Variants in ARHGAP26 observed in about 807,000 individuals in gnomAD.
ARHGAP26 encodes the protein rho GTPase-activating protein 26.
ARHGAP26 carries 38 observed loss-of-function variants against 104.8 expected under a neutral mutation model. The ratio of observed to expected loss-of-function variants is 0.36; its 90% CI spans 0.28 to 0.48. The LOEUF is 0.48. Ranked by LOEUF, ARHGAP26 falls within the 20% of genes least tolerant of loss-of-function variation. The pLI is 0.99. For synonymous variants in ARHGAP26, 341 were observed against 340.0 expected (o/e 1.00, Z -0.03); for missense variants, 704 against 947.9 (o/e 0.74, Z 3.38).
chr5:142,892,989 C>CCCTTT (rs753481588), intron 5 of ARHGAP26, among the ~76,000 whole-genome samples: 97 of 107,940 alleles, frequency 9.0e-4, no homozygotes, highest in Middle Eastern at 4.6e-3. Context: ...CACCCCCCCG[C>CCCTTT]TTTTTTTTTT....
At chr5:142,885,522 T>C in intron 5 of ARHGAP26, 123 bp downstream of exon 5, 1 of 755,488 alleles carries the variant, frequency 1.3e-6, no homozygotes, top group Non-Finnish European at 2.1e-6. Flanking sequence ...GCCAGGAGAT[T>C]GCTCCTGATC....
intron 11 of ARHGAP26, among the ~76,000 whole-genome samples, chr5:142,965,158 T>C (rs1407050562): frequency 6.6e-6 from 1 of 152,176 alleles, no homozygotes; most frequent in African/African-American, 2.4e-5. Context: ...ACTACTGCTA[T>C]CTAGAAGGCA....
intron 11 of ARHGAP26, among the ~76,000 whole-genome samples, chr5:143,009,588 T>G (rs923000830): frequency 6.6e-6 from 1 of 152,230 alleles, no homozygotes; most frequent in Non-Finnish European, 1.5e-5. Context: ...TCATCATCAT[T>G]ATTAATTTCT....
rs140605394 is a variant in ARHGAP26, at chr5:142,925,395, T to A, written c.1029-6652T>A. Reference sequence around the variant, plus strand: ...TATTTTCCTTGGATTAAAGAATTTCTTATCCAGTTTCCCTAATTTTTCTTA... The same window carrying A: ...TATTTTCCTTGGATTAAAGAATTTCATATCCAGTTTCCCTAATTTTTCTTA... On this transcript the variant is annotated intron_variant, in intron 10 of 22. Transcript: ENST00000645722. 2.7e-3 allele frequency among the ~76,000 whole-genome samples: 411 copies of A among 152,354 alleles called. 1 individual carries two copies. Among genetic ancestry groups the A allele is most frequent in the African/African-American group, 9.4e-3 (390 of 41,582 alleles).
chr5:142,926,183 G>A (rs1598271835), intron 10 of ARHGAP26, among the ~76,000 whole-genome samples: 1 of 152,154 alleles, frequency 6.6e-6, no homozygotes. Context: ...CTTTCCATGG[G>A]CTGTTTTTAG....
At chr5:142,886,346 A>G (rs1325240418) in intron 5 of ARHGAP26, among the ~76,000 whole-genome samples, 1 of 152,160 alleles carries the variant, frequency 6.6e-6, no homozygotes, top group African/African-American at 2.4e-5. Flanking sequence ...AACTCAGGAG[A>G]TGGTGGAGTT....
At chr5:142,904,201 A>G (rs375336475) in intron 8 of ARHGAP26, among the ~76,000 whole-genome samples, 29 of 152,192 alleles carry the variant, frequency 1.9e-4, no homozygotes, top group African/African-American at 5.5e-4. Context: ...TTCAAGAGCC[A>G]AGAAGAAGGC....
intron 11 of ARHGAP26, among the ~76,000 whole-genome samples, chr5:143,013,392 T>A (rs2152817609): frequency 6.6e-6 from 1 of 152,348 alleles, no homozygotes; most frequent in African/African-American, 2.4e-5. Flanking sequence ...CAATATGTCA[T>A]TGTCTCTTTT....
rs1268685674 is a variant in ARHGAP26, at chr5:143,225,699, A to T, written c.*3253A>T. 1 of 226,664 alleles carries T rather than the reference A, an allele frequency of 4.4e-6. No individual in the cohort carries two copies. Among genetic ancestry groups the T allele is most frequent in the African/African-American group, 2.2e-5 (1 of 44,838 alleles). The allele number at this position is 226,664 out of a possible 1,614,324, so 14.0% of individuals were successfully genotyped here. ...GAGAAACAGAGCTGCTGCCAATGGG[A>T]TCTTTTAGGTAACTCCCTCCCTAGC... On this transcript the variant is annotated 3_prime_UTR_variant, in exon 23 of 23. Coordinates refer to ENST00000645722, the MANE Select transcript of ARHGAP26 (RefSeq NM_001135608.3).
chr5:142,935,361 A>G (rs1007537370), intron 11 of ARHGAP26, among the ~76,000 whole-genome samples: 3 of 152,236 alleles, frequency 2.0e-5, no homozygotes, highest in Non-Finnish European at 4.4e-5. Context: ...TGGGCCAGAT[A>G]GTATTTCAGG....
At chr5:143,211,075 A>G (rs1809390673) in intron 21 of ARHGAP26, among the ~76,000 whole-genome samples, 1 of 152,226 alleles carries the variant, frequency 6.6e-6, no homozygotes, top group African/African-American at 2.4e-5. Context: ...CTGTTTTGGT[A>G]GGAACCCTAC....
Position 143,134,003 on chromosome 5 carries a change from G to A in ARHGAP26, c.1735G>A (p.Ala579Thr). ...CGTGCCCGATATGCCTCTCACCAAT[G>A]CCCAGCTGCACCTGTCTCGGAAGAA... Reference protein sequence around the residue: ...NTVPDMPLTNAQLHLSRKKSS... With the variant: ...NTVPDMPLTNTQLHLSRKKSS... Residue 579 changes from alanine (A) to threonine (T), a missense_variant, in exon 19 of 23, where the codon GCC (alanine) becomes ACC (threonine). By Grantham distance (58) the Ala-to-Thr change is moderately conservative (BLOSUM62 0). This residue lies in a region of ARHGAP26 where 217 missense variants were observed against 242.6 expected (regional missense o/e 0.89). Coordinates refer to ENST00000645722, the MANE Select transcript of ARHGAP26 (RefSeq NM_001135608.3). 6.2e-7 allele frequency: 1 copy of A among 1,612,684 alleles called. No homozygotes were observed. Among genetic ancestry groups the A allele is most frequent in the Non-Finnish European group, 8.5e-7 (1 of 1,179,266 alleles).
At chr5:142,938,866 A>T (rs1765836152) in intron 11 of ARHGAP26, among the ~76,000 whole-genome samples, 1 of 152,190 alleles carries the variant, frequency 6.6e-6, no homozygotes, top group African/African-American at 2.4e-5. Flanking sequence ...TAAATAAAAT[A>T]TTTCTCCACT....
intron 1 of ARHGAP26, among the ~76,000 whole-genome samples, chr5:142,848,944 A>G (rs1347137305): frequency 6.6e-6 from 1 of 152,182 alleles, no homozygotes; most frequent in Admixed American, 6.5e-5. Context: ...TGTGTTAGAG[A>G]TCTCAGGAGC....
At chr5:142,773,106 G>A (rs996784979) in intron 1 of ARHGAP26, among the ~76,000 whole-genome samples, 1 of 152,050 alleles carries the variant, frequency 6.6e-6, no homozygotes, top group African/African-American at 2.4e-5. Context: ...ATAGAGGGTG[G>A]AGTCAACCAT....
At chr5:142,916,650 A>T (rs560396537) in intron 10 of ARHGAP26, among the ~76,000 whole-genome samples, 5 of 152,222 alleles carry the variant, frequency 3.3e-5, no homozygotes, top group Admixed American at 3.3e-4. Flanking sequence ...AGGCTCCTCT[A>T]CTAAGGAGCT....
intron 22 of ARHGAP26, among the ~76,000 whole-genome samples, chr5:143,217,995 G>T (rs1002736551): frequency 6.6e-6 from 1 of 152,124 alleles, no homozygotes; most frequent in Non-Finnish European, 1.5e-5. Context: ...TTGACATACT[G>T]CAGCTTTGCA....
At chr5:143,042,813 CTTT>C (rs1783674159) in intron 14 of ARHGAP26, among the ~76,000 whole-genome samples, 1 of 152,150 alleles carries the variant, frequency 6.6e-6, no homozygotes, top group Non-Finnish European at 1.5e-5. Flanking sequence ...GTCTTCACCT[CTTT>C]TTGAGAGAGT....
chr5:142,931,992 C>T (rs965882244), intron 10 of ARHGAP26, 55 bp from the exon 11 acceptor site: 68 of 1,527,066 alleles, frequency 4.5e-5, no homozygotes, highest in Non-Finnish European at 5.9e-5. Context: ...TTGCCTTCAC[C>T]AATCTCTCTA....
Sources: gnomAD v4.1 joint callset for allele counts (sites outside exome capture counted in the v4.1 genomes callset) on GRCh38, gnomAD v4.1.1 for gene constraint, gnomAD v4.1.1 regional missense constraint, MANE v1.5 for transcripts, NCBI Gene and HGNC (gene_info 2026-07-23, HGNC 2026-07-21) for gene names.